CSNK2A2IP: variants seen among roughly 807,000 people sequenced by gnomAD.
CSNK2A2IP encodes the protein casein kinase II subunit alpha'-interacting protein.
the CSNK2A2IP span, among the ~76,000 whole-genome samples, chr3:88,351,897 T>C: frequency 2.0e-5 from 3 of 152,152 alleles, no homozygotes; most frequent in Non-Finnish European, 1.5e-5. Context: ...GTTCATCATT[T>C]ATAATTTTGT....
At chr3:88,443,433 C>A in the CSNK2A2IP span, among the ~76,000 whole-genome samples, 2 of 152,040 alleles carry the variant, frequency 1.3e-5, no homozygotes, top group African/African-American at 4.8e-5. Context: ...GTGCAGAGAT[C>A]TGGGTCAAAG....
the CSNK2A2IP span, among the ~76,000 whole-genome samples, chr3:88,383,020 C>T: frequency 6.6e-6 from 1 of 152,152 alleles, no homozygotes; most frequent in Non-Finnish European, 1.5e-5. Flanking sequence ...AAACAGTTTA[C>T]ACTGTAGGCC....
chr3:88,342,548 C>A, the CSNK2A2IP span, among the ~76,000 whole-genome samples: 1 of 151,758 alleles, frequency 6.6e-6, no homozygotes, highest in Non-Finnish European at 1.5e-5. Context: ...TGAGGTCTGC[C>A]CGGTTGATGG....
chr3:88,340,655 T>G, the CSNK2A2IP span, among the ~76,000 whole-genome samples: 1 of 151,938 alleles, frequency 6.6e-6, no homozygotes, highest in Non-Finnish European at 1.5e-5. Context: ...ATAATTACAC[T>G]TTGGTGATTT....
the CSNK2A2IP span, among the ~76,000 whole-genome samples, chr3:88,440,323 AATTGAGTAAC>A: frequency 1.3e-5 from 2 of 152,208 alleles, no homozygotes; most frequent in Admixed American, 1.3e-4. Context: ...ATTTAAAAAG[AATTGAGTAAC>A]AATACAAATT....
the CSNK2A2IP span, among the ~76,000 whole-genome samples, chr3:88,462,046 G>A: frequency 6.6e-6 from 1 of 151,054 alleles, no homozygotes; most frequent in African/African-American, 2.4e-5. Context: ...TTCATGTTTT[G>A]CCCATCCTAA....
chr3:88,465,027 T>C, the CSNK2A2IP span: 4 of 183,874 alleles, frequency 2.2e-5, no homozygotes, highest in Non-Finnish European at 3.3e-5. Flanking sequence ...AGAAAGTACT[T>C]AAGAAAATTA....
At chr3:88,422,138 T>C in the CSNK2A2IP span, among the ~76,000 whole-genome samples, 4 of 152,210 alleles carry the variant, frequency 2.6e-5, no homozygotes, top group African/African-American at 9.6e-5. Flanking sequence ...ATTAGACTTT[T>C]TTTTGTAAGT....
the CSNK2A2IP span, among the ~76,000 whole-genome samples, chr3:88,380,352 G>C: frequency 2.0e-5 from 3 of 151,818 alleles, no homozygotes; most frequent in African/African-American, 7.2e-5. Context: ...ACTAGCCAAA[G>C]AGAATATCAG....
chr3:88,351,121 GA>G, the CSNK2A2IP span, among the ~76,000 whole-genome samples: 1 of 152,110 alleles, frequency 6.6e-6, no homozygotes, highest in Admixed American at 6.6e-5. Flanking sequence ...TCTAATATTA[GA>G]AAATGAAGAA....
chr3:88,369,211 G>C, the CSNK2A2IP span, among the ~76,000 whole-genome samples: 1 of 151,964 alleles, frequency 6.6e-6, no homozygotes, highest in East Asian at 1.9e-4. Flanking sequence ...GAAAAGAAAT[G>C]AGACAAGCTG....
the CSNK2A2IP span, among the ~76,000 whole-genome samples, chr3:88,413,140 T>G: frequency 6.6e-6 from 1 of 152,064 alleles, no homozygotes; most frequent in Non-Finnish European, 1.5e-5. Flanking sequence ...TTTAATTCAG[T>G]AGGCATAAAC....
At chr3:88,434,800 T>C in the CSNK2A2IP span, among the ~76,000 whole-genome samples, 1 of 152,152 alleles carries the variant, frequency 6.6e-6, no homozygotes, top group Non-Finnish European at 1.5e-5. Context: ...AAAACTATGA[T>C]AATTACTTTG....
At chr3:88,454,526 T>C in the CSNK2A2IP span, among the ~76,000 whole-genome samples, 45 of 152,042 alleles carry the variant, frequency 3.0e-4, no homozygotes, top group African/African-American at 1.1e-3. Flanking sequence ...AAAATTTTTG[T>C]TCCAGAACTT....
At chr3:88,421,349 T>C in the CSNK2A2IP span, among the ~76,000 whole-genome samples, 7 of 152,184 alleles carry the variant, frequency 4.6e-5, no homozygotes, top group Admixed American at 4.6e-4. Context: ...CTGCCTCCCA[T>C]ATGCAGCAAC....
chr3:88,346,554 C>T, the CSNK2A2IP span, among the ~76,000 whole-genome samples: 3 of 152,046 alleles, frequency 2.0e-5, no homozygotes, highest in African/African-American at 7.2e-5. Context: ...ATTTACTCTT[C>T]CTGTGCACTA....
chr3:88,356,600 G>A, the CSNK2A2IP span, among the ~76,000 whole-genome samples: 1 of 152,084 alleles, frequency 6.6e-6, no homozygotes, highest in African/African-American at 2.4e-5. Context: ...CCTTTATTTT[G>A]GATATATACC....
the CSNK2A2IP span, among the ~76,000 whole-genome samples, chr3:88,338,923 T>G: frequency 6.9e-4 from 105 of 152,234 alleles, no homozygotes; most frequent in Non-Finnish European, 2.5e-4. Flanking sequence ...TTTTTAAAAT[T>G]TATTATTATG....
chr3:88,451,991 C>CT, the CSNK2A2IP span, among the ~76,000 whole-genome samples: 70 of 152,066 alleles, frequency 4.6e-4, no homozygotes, highest in Non-Finnish European at 4.1e-4. Context: ...AGAAAACTAT[C>CT]TTTTTTGACT....
Sources: gnomAD v4.1 joint callset for allele counts (sites outside exome capture counted in the v4.1 genomes callset) on GRCh38, gnomAD v4.1.1 for gene constraint, MANE v1.5 for transcripts, NCBI Gene and HGNC (gene_info 2026-07-23, HGNC 2026-07-21) for gene names.